FGF14: variants seen among roughly 807,000 people sequenced by gnomAD.
FGF14 encodes the protein fibroblast growth factor homologous factor 4.
Under a neutral mutation model 25.5 loss-of-function variants are expected in FGF14, and 5 were observed. The ratio of observed to expected loss-of-function variants is 0.20; its 90% CI spans 0.10 to 0.41. The LOEUF (loss-of-function observed/expected upper bound fraction) is 0.41. FGF14 is among the 10% of genes least tolerant of loss of function. FGF14 has a pLI of 1.00. For missense variants in FGF14, 222 were observed against 320.1 expected (o/e 0.69, Z 2.34); for synonymous variants, 138 against 118.3 (o/e 1.17, Z -1.08).
intron 3 of FGF14, among the ~76,000 whole-genome samples, chr13:101,798,864 A>G (rs2040710484): frequency 2.0e-5 from 3 of 152,136 alleles, no homozygotes; most frequent in Admixed American, 2.0e-4. Context: ...AAGCAGTGAG[A>G]AAGTCAGCTT....
chr13:101,962,177 A>T (rs949530460), intron 1 of FGF14, among the ~76,000 whole-genome samples: 20 of 152,144 alleles, frequency 1.3e-4, no homozygotes, highest in Non-Finnish European at 2.9e-5. Context: ...CAAGATATTG[A>T]TTCTTACTAA....
intron 3 of FGF14, among the ~76,000 whole-genome samples, chr13:101,787,061 C>G (rs777682559): frequency 2.0e-5 from 3 of 152,124 alleles, no homozygotes; most frequent in Non-Finnish European, 4.4e-5. Flanking sequence ...AATGCAGAAT[C>G]CAAGGCTAAT....
At chr13:101,798,020 G>A (rs1388819472) in intron 3 of FGF14, among the ~76,000 whole-genome samples, 3 of 152,012 alleles carry the variant, frequency 2.0e-5, no homozygotes, top group Non-Finnish European at 2.9e-5. Flanking sequence ...AACGTTACTC[G>A]CTGTTCTTCG....
chr13:102,361,556 C>A (rs576172991), intron 1 of FGF14, among the ~76,000 whole-genome samples: 1 of 152,260 alleles, frequency 6.6e-6, no homozygotes, highest in Admixed American at 6.5e-5. Context: ...GAATCCACTT[C>A]CAGAAATGCT....
chr13:101,715,630 C>G lies in FGF14; in HGVS notation c.*7201G>C. The G allele has an allele frequency of 6.2e-7, 1 of 1,612,364 alleles. No homozygotes were observed. The highest frequency in any genetic ancestry group is 1.1e-5 in the South Asian group (1 of 91,038). On this transcript the variant is annotated 3_prime_UTR_variant, in exon 5 of 5. Transcript: ENST00000376143. Reference sequence around the variant, plus strand: ...GATGGAATGGAAATGCATGTGAAATCTGGCTTGGCTCAGAATATCCTTAAC... The same window carrying G: ...GATGGAATGGAAATGCATGTGAAATGTGGCTTGGCTCAGAATATCCTTAAC...
intron 1 of FGF14, among the ~76,000 whole-genome samples, chr13:102,230,274 A>G (rs2051019473): frequency 6.6e-6 from 1 of 152,194 alleles, no homozygotes. Context: ...TGAGAATTAA[A>G]TGCTTGTTGT....
At chr13:102,085,098 G>C (rs1363300882) in intron 1 of FGF14, among the ~76,000 whole-genome samples, 5 of 152,196 alleles carry the variant, frequency 3.3e-5, no homozygotes, top group Non-Finnish European at 7.3e-5. Flanking sequence ...ATTGGCCTTA[G>C]CATTTACCAC....
intron 1 of FGF14, among the ~76,000 whole-genome samples, chr13:102,273,577 CA>C (rs1341698642): frequency 6.6e-6 from 1 of 152,154 alleles, no homozygotes; most frequent in African/African-American, 2.4e-5. Context: ...ATTTTAGTAA[CA>C]GATTGTGTGT....
Position 101,714,769 on chromosome 13 carries a change from TG to T in FGF14, c.*8061del, listed in dbSNP as rs1357344811. On this transcript the variant is annotated 3_prime_UTR_variant, in exon 5 of 5. Coordinates refer to ENST00000376143, the MANE Select transcript of FGF14 (RefSeq NM_004115.4). ...TACAAGAGAATGAAGCTAAATTTTG[TG>T]ATTATTTGGGATCCTTCCACAAAGT... 3.7e-6 allele frequency: 2 copies of T among 536,190 alleles called. No homozygotes were observed. Among genetic ancestry groups the T allele is most frequent in the Non-Finnish European group, 6.6e-6 (2 of 301,608 alleles). 33.2% of individuals were successfully genotyped at this position (536,190 alleles called of 1,614,324 possible).
chr13:101,947,283 T>C (rs541650336), intron 1 of FGF14, among the ~76,000 whole-genome samples: 2 of 152,298 alleles, frequency 1.3e-5, no homozygotes, highest in South Asian at 4.1e-4. Flanking sequence ...GCGATTTCTC[T>C]AAGAACTTAA....
intron 3 of FGF14, among the ~76,000 whole-genome samples, chr13:101,797,772 T>TGTGTGCGCGCGC (rs34927828): frequency 1.4e-5 from 2 of 145,556 alleles, no homozygotes; most frequent in African/African-American, 5.0e-5. Flanking sequence ...TGTGTGTGTG[T>TGTGTGCGCGCGC]GTGTGTGTGT....
rs555199712 is a variant in FGF14, at chr13:102,234,219, C to T, written c.208+167252G>A. ...AGGTACTTAATACCATGGAAATATA[C>T]GCTTAAATGTGAAGGTACTTAATAC... On this transcript the variant is annotated intron_variant, in intron 1 of 4. Coordinates refer to the FGF14 transcript ENST00000376131. 5.3e-5 allele frequency among the ~76,000 whole-genome samples: 8 copies of T among 150,588 alleles called. 2 individuals are homozygous for T. The highest frequency in any genetic ancestry group is 3.9e-4 in the East Asian group (2 of 5,066).
intron 1 of FGF14, among the ~76,000 whole-genome samples, chr13:101,907,649 T>TG (rs2032408544): frequency 6.6e-6 from 1 of 152,164 alleles, no homozygotes; most frequent in Non-Finnish European, 1.5e-5. Flanking sequence ...CAAAGAGTTT[T>TG]GCCAGTAACA....
intron 1 of FGF14, among the ~76,000 whole-genome samples, chr13:102,023,592 T>C (rs1204782292): frequency 1.3e-5 from 2 of 152,066 alleles, no homozygotes; most frequent in African/African-American, 4.8e-5. Context: ...TTATCAATCA[T>C]TTCTTAATCT....
At chr13:101,736,833 A>G (rs576066426) in intron 3 of FGF14, among the ~76,000 whole-genome samples, 343 of 151,834 alleles carry the variant, frequency 2.3e-3, no homozygotes, top group South Asian at 4.8e-3. Flanking sequence ...TCTAATGCCA[A>G]CCTGAGTCTA....
At chr13:101,900,609 GT>G (rs921742363) in intron 1 of FGF14, among the ~76,000 whole-genome samples, 19 of 152,076 alleles carry the variant, frequency 1.2e-4, no homozygotes, top group Admixed American at 6.6e-5. Context: ...TTGATATATA[GT>G]TTTTTCAAGT....
chr13:101,797,541 G>A (rs1388567936), intron 3 of FGF14, among the ~76,000 whole-genome samples: 1 of 152,064 alleles, frequency 6.6e-6, no homozygotes, highest in Admixed American at 6.6e-5. Flanking sequence ...ATATTTATTG[G>A]AAGGTGATTA....
At chr13:101,814,745 G>A (rs1200315774) in intron 3 of FGF14, among the ~76,000 whole-genome samples, 4 of 152,184 alleles carry the variant, frequency 2.6e-5, no homozygotes, top group Non-Finnish European at 5.9e-5. Context: ...GGATCAGTGA[G>A]TAAGCATTTT....
intron 1 of FGF14, among the ~76,000 whole-genome samples, chr13:102,135,162 C>A (rs901701268): frequency 6.6e-6 from 1 of 152,074 alleles, no homozygotes; most frequent in African/African-American, 2.4e-5. Flanking sequence ...AAGCTATGAT[C>A]GCACCATCGC....
Sources: gnomAD v4.1 joint callset for allele counts (sites outside exome capture counted in the v4.1 genomes callset) on GRCh38, gnomAD v4.1.1 for gene constraint, MANE v1.5 for transcripts, NCBI Gene and HGNC (gene_info 2026-07-23, HGNC 2026-07-21) for gene names.